PPP3R1: variants seen among roughly 807,000 people sequenced by gnomAD.
PPP3R1 encodes the protein protein phosphatase 3 regulatory subunit B, alpha, also known as calcineurin subunit B type 1.
PPP3R1 carries 5 observed loss-of-function variants against 22.6 expected under a neutral mutation model. The ratio of observed to expected loss-of-function variants is 0.22; its 90% confidence interval spans 0.12 to 0.46. The LOEUF is 0.46. Among genes scored for constraint, PPP3R1 ranks in the 20% least tolerant of loss-of-function variants. The pLI is 0.99. For synonymous variants in PPP3R1, 56 were observed against 65.2 expected (o/e 0.86, Z 0.68); for missense variants, 61 against 203.2 (o/e 0.30, Z 4.25).
intron 2 of PPP3R1, among the ~76,000 whole-genome samples, chr2:68,208,852 G>A (rs1669389892): frequency 6.6e-6 from 1 of 151,590 alleles, no homozygotes; most frequent in African/African-American, 2.4e-5. Flanking sequence ...GAACCTGGGA[G>A]GTGGAGGCTG....
At chr2:68,194,917 T>C (rs755406856) in intron 2 of PPP3R1, among the ~76,000 whole-genome samples, 13 of 152,134 alleles carry the variant, frequency 8.5e-5, no homozygotes, top group Non-Finnish European at 1.9e-4. Context: ...CCAACTGATT[T>C]AAAACAAAGC....
chr2:68,214,891 A>G (rs1036873164), intron 2 of PPP3R1, among the ~76,000 whole-genome samples: 1 of 152,202 alleles, frequency 6.6e-6, no homozygotes, highest in Non-Finnish European at 1.5e-5. Context: ...AAACCTAAAT[A>G]CCCATGAACA....
At chr2:68,216,121 C>T (rs553646122) in intron 2 of PPP3R1, among the ~76,000 whole-genome samples, 14 of 152,030 alleles carry the variant, frequency 9.2e-5, no homozygotes, top group Non-Finnish European at 2.1e-4. Flanking sequence ...CTTTATACAA[C>T]GTCCCATTAA....
chr2:68,192,313 T>C (rs1289492228), intron 2 of PPP3R1, among the ~76,000 whole-genome samples: 1 of 152,164 alleles, frequency 6.6e-6, no homozygotes, highest in Non-Finnish European at 1.5e-5. Flanking sequence ...AATTTAAACA[T>C]AACAGATCAC....
Position 68,252,395 on chromosome 2 carries a change from G to T in PPP3R1, c.-268C>A. The stretch of plus-strand genomic sequence containing the variant: ...GCGGGAGGAGCAGCGGCGAGAGGCA[G>T]GAGAGGCAGAGAAGAAGAAAGGAGG... On this transcript the variant is annotated 5_prime_UTR_variant, in exon 1 of 6. It adds an upstream start codon to the 5' untranslated region. Coordinates refer to ENST00000234310, the MANE Select transcript of PPP3R1 (RefSeq NM_000945.4). 1.0e-6 allele frequency: 1 copy of T among 1,001,948 alleles called. No individual in the cohort carries two copies. Among genetic ancestry groups the T allele is most frequent in the Non-Finnish European group, 1.2e-6 (1 of 842,004 alleles). 62.1% of individuals were successfully genotyped at this position (1,001,948 alleles called of 1,614,324 possible).
In PPP3R1 at chr2:68,227,854, T is replaced by C. The variant is rs922961867; in HGVS notation, c.4-10723A>G. On this transcript the variant is annotated intron_variant, in intron 1 of 5. Transcript: ENST00000234310. The stretch of plus-strand genomic sequence containing the variant: ...CAATTTCGCCGAACTTATTCATTAG[T>C]ACTTTTATTTTTTGTAGATTTCTTG... 3.3e-5 allele frequency among the ~76,000 whole-genome samples: 5 copies of C among 152,320 alleles called. No individual in the cohort carries two copies. The East Asian group carries it at 5.8e-4, about 18-fold the overall frequency.
rs146783432 is a variant in PPP3R1 at position 68,196,217 on chromosome 2, A to T, written c.44-7527T>A. Among the ~76,000 whole-genome samples the T allele has an allele frequency of 6.5e-3, 983 of 152,338 alleles. 5 individuals are homozygous for T. Among genetic ancestry groups the T allele is most frequent in the Non-Finnish European group, 0.011 (778 of 68,024 alleles). On this transcript the variant is annotated intron_variant, in intron 2 of 5. Coordinates refer to ENST00000234310, the MANE Select transcript of PPP3R1 (RefSeq NM_000945.4). ...AGAAGTTACTGAGAAGTTTTTCAAC[A>T]TAAAGATTAACTTAAAAGCTTTACA...
chr2:68,247,317 T>A (rs1039972515), intron 1 of PPP3R1, among the ~76,000 whole-genome samples: 7 of 149,522 alleles, frequency 4.7e-5, no homozygotes, highest in Admixed American at 2.7e-4. Flanking sequence ...CCCCAAAACC[T>A]TCTTCTCCTA....
intron 1 of PPP3R1, among the ~76,000 whole-genome samples, chr2:68,232,044 G>C (rs1246858821): frequency 6.7e-6 from 1 of 148,852 alleles, no homozygotes; most frequent in Non-Finnish European, 1.5e-5. Flanking sequence ...CAGATCACCT[G>C]AGGTCAGGAG....
chr2:68,199,499 A>C (rs978599257), intron 2 of PPP3R1, among the ~76,000 whole-genome samples: 1 of 152,230 alleles, frequency 6.6e-6, no homozygotes, highest in Admixed American at 6.5e-5. Context: ...AACGTTGATT[A>C]GAAGTGGTCA....
Position 68,252,376 on chromosome 2 carries a change from GGA to G in PPP3R1, c.-251_-250del. 9.9e-7 allele frequency: 1 copy of G among 1,005,478 alleles called. No homozygotes were observed. The highest frequency in any genetic ancestry group is 1.2e-6 in the Non-Finnish European group (1 of 844,278). The allele number at this position is 1,005,478 out of a possible 1,614,324, so 62.3% of individuals were successfully genotyped here. A position where few individuals can be genotyped will look rare whatever the true frequency, so the allele number is the denominator to read the frequency against. On this transcript the variant is annotated 5_prime_UTR_variant, in exon 1 of 6. Transcript: ENST00000234310. ...AGATTCAGAGCCGGAGAGCGCGGGA[GGA>G]GCAGCGGCGAGAGGCAGGAGAGGCA...
rs530328264 is a variant in PPP3R1, at chr2:68,197,820, G to A, written c.44-9130C>T. 4.6e-5 allele frequency among the ~76,000 whole-genome samples: 7 copies of A among 151,784 alleles called. 1 individual carries two copies. Among genetic ancestry groups the A allele is most frequent in the African/African-American group, 1.7e-4 (7 of 41,418 alleles). ...AAAACCAAAACCTTTCAATATTAAT[G>A]AAATAGAATTTTTTCCCTTTATGAT... On this transcript the variant is annotated intron_variant, in intron 2 of 5. Coordinates refer to ENST00000234310, the MANE Select transcript of PPP3R1 (RefSeq NM_000945.4).
intron 1 of PPP3R1, among the ~76,000 whole-genome samples, chr2:68,232,847 T>C (rs1038397974): frequency 6.6e-6 from 1 of 152,152 alleles, no homozygotes; most frequent in African/African-American, 2.4e-5. Context: ...TCTCAGGTGA[T>C]CCACCCACCT....
intron 1 of PPP3R1, among the ~76,000 whole-genome samples, chr2:68,219,653 T>C (rs921623397): frequency 6.6e-6 from 1 of 152,202 alleles, no homozygotes; most frequent in Non-Finnish European, 1.5e-5. Flanking sequence ...TGCAGTGAAT[T>C]TGTAGCCAAT....
At chr2:68,216,975 T>C in intron 2 of PPP3R1, 117 bp downstream of exon 2, 2 of 725,656 alleles carry the variant, frequency 2.8e-6, no homozygotes, top group Non-Finnish European at 4.4e-6. Context: ...CTCACATTGC[T>C]ACAAAGGTAA....
intron 1 of PPP3R1, 39 bp downstream of exon 1, chr2:68,252,086 A>G: frequency 2.2e-6 from 3 of 1,394,480 alleles, no homozygotes; most frequent in Admixed American, 4.2e-5. Flanking sequence ...CGGCGGCAGT[A>G]GGGGGAGGGA....
chr2:68,236,701 C>T (rs1357572658), intron 1 of PPP3R1, among the ~76,000 whole-genome samples: 5 of 152,106 alleles, frequency 3.3e-5, no homozygotes, highest in Admixed American at 3.3e-4. Flanking sequence ...TAATAAAATA[C>T]TGATGAGGTT....
Position 68,185,450 on chromosome 2 carries a change from ATATTT to A in PPP3R1, c.465+1013_465+1017del, listed in dbSNP as rs2103717524. ...TATTTATATTTCTTATATTTATATT[ATATTT>A]ATAATTTATATATTATATATATGTA... On this transcript the variant is annotated intron_variant, in intron 5 of 5. Transcript: ENST00000234310. 2.9e-5 allele frequency among the ~76,000 whole-genome samples: 4 copies of A among 139,426 alleles called. 1 individual carries two copies. The East Asian group carries it at 8.7e-4, about 30-fold the overall frequency. 91.5% of individuals were successfully genotyped at this position (139,426 alleles called of 152,430 possible).
chr2:68,244,593 T>C (rs1670199526), intron 1 of PPP3R1, among the ~76,000 whole-genome samples: 1 of 152,168 alleles, frequency 6.6e-6, no homozygotes, highest in Non-Finnish European at 1.5e-5. Context: ...TATCCTCTTC[T>C]TTTTAACTTT....
Sources: allele counts gnomAD v4.1 joint callset (sites outside exome capture counted in the v4.1 genomes callset), GRCh38; gene constraint gnomAD v4.1.1; transcripts MANE v1.5; gene names NCBI Gene and HGNC (gene_info 2026-07-23, HGNC 2026-07-21).